VIPR1: variants seen among roughly 807,000 people sequenced by gnomAD.
The protein encoded by VIPR1 is vasoactive intestinal polypeptide receptor 1.
Under a neutral mutation model 58.8 loss-of-function variants are expected in VIPR1, and 59 were observed. The ratio of observed to expected loss-of-function variants is 1.00; its 90% CI spans 0.81 to 1.25. The LOEUF is 1.25. Ranked by LOEUF, VIPR1 falls within the 50% of genes most tolerant of loss-of-function variation. The pLI is 0.00. For synonymous variants in VIPR1, 251 were observed against 242.1 expected (o/e 1.04, Z -0.34); for missense variants, 626 against 602.7 (o/e 1.04, Z -0.40).
At chr3:42,507,142 C>G (rs1241022972) in intron 1 of VIPR1, 1 of 152,196 alleles carries the variant, frequency 6.6e-6, no homozygotes, top group Non-Finnish European at 1.5e-5. Context: ...TCATTACACA[C>G]CTAACAAAAT....
At chr3:42,500,539 G>C (rs1392290765), upstream of VIPR1, 2 of 152,232 alleles carry the variant, frequency 1.3e-5, no homozygotes, top group African/African-American at 4.8e-5. Flanking sequence ...GTGTTGAGGA[G>C]TGAGGGCTGA....
At chr3:42,515,924 T>A (rs1577221134) in intron 2 of VIPR1, among the ~76,000 whole-genome samples, 6 of 152,294 alleles carry the variant, frequency 3.9e-5, no homozygotes, top group Admixed American at 3.9e-4. Flanking sequence ...CACCCAGACA[T>A]GTCTGTCTCT....
chr3:42,512,712 C>T (rs1348852362), intron 1 of VIPR1: 16 of 984,018 alleles, frequency 1.6e-5, no homozygotes, highest in Non-Finnish European at 1.9e-5. Context: ...GCTGGACTCT[C>T]TTCTATGGCC....
intron 1 of VIPR1, among the ~76,000 whole-genome samples, chr3:42,510,402 T>C (rs2125640355): frequency 6.6e-6 from 1 of 152,300 alleles, no homozygotes; most frequent in South Asian, 2.1e-4. Flanking sequence ...CAACTCTCTC[T>C]GTGTTCCTGA....
In VIPR1 at chr3:42,531,631, CA is replaced by C. The variant is rs575144582; in HGVS notation, c.851+101del. ...CTGGCCTTGGTGAGTGGACAAAAAC[CA>C]CAGCTCTCGGGCCAGAGGGGAGGCT... On this transcript the variant is annotated intron_variant, in intron 8 of 12. Coordinates refer to ENST00000325123, the MANE Select transcript of VIPR1 (RefSeq NM_004624.4). 734 of 1,568,092 alleles carry C rather than the reference CA, an allele frequency of 4.7e-4. 3 individuals carry two copies. The African/African-American group carries it at 8.8e-3, about 19-fold the overall frequency.
At chr3:42,535,508 A>C (rs1701796417) in intron 12 of VIPR1, 124 bp downstream of exon 12, 2 of 1,050,858 alleles carry the variant, frequency 1.9e-6, no homozygotes, top group Non-Finnish European at 2.9e-6. Flanking sequence ...TATGGTCCTC[A>C]AACTAGTAGC....
At chr3:42,514,923 A>G (rs1289726060) in intron 2 of VIPR1, among the ~76,000 whole-genome samples, 1 of 152,188 alleles carries the variant, frequency 6.6e-6, no homozygotes, top group Non-Finnish European at 1.5e-5. Flanking sequence ...GCAGGTTTGG[A>G]GAAACAGAGA....
upstream of VIPR1, among the ~76,000 whole-genome samples, chr3:42,501,284 T>C (rs1265226050): frequency 6.6e-6 from 1 of 151,338 alleles, no homozygotes; most frequent in African/African-American, 2.4e-5. The surrounding 1 kb of genome is among the most constrained non-coding windows in gnomAD (Gnocchi z 4.8). Flanking sequence ...CAACGTTCCC[T>C]CTCTGTAGGG....
chr3:42,498,044 G>A (rs879157861), upstream of VIPR1, among the ~76,000 whole-genome samples: 1 of 152,142 alleles, frequency 6.6e-6, no homozygotes, highest in Non-Finnish European at 1.5e-5. Flanking sequence ...GAGCTCCAAG[G>A]GTAGGACCTA....
intron 1 of VIPR1, chr3:42,508,958 T>A (rs1700244098): frequency 6.6e-6 from 1 of 152,034 alleles, no homozygotes; most frequent in African/African-American, 2.4e-5. Context: ...AGTAAATAAG[T>A]CGTGAGATAT....
chr3:42,508,711 C>G (rs1700233437), intron 1 of VIPR1: 1 of 152,266 alleles, frequency 6.6e-6, no homozygotes, highest in Non-Finnish European at 1.5e-5. Flanking sequence ...CAACTTATGT[C>G]CTTTACCCAC....
intron 1 of VIPR1, chr3:42,512,981 AC>A: frequency 1.0e-6 from 1 of 976,886 alleles, no homozygotes; most frequent in Non-Finnish European, 1.2e-6. Flanking sequence ...GGTCTGGCCC[AC>A]CCCTGATCCC....
intron 1 of VIPR1, among the ~76,000 whole-genome samples, chr3:42,490,375 G>T (rs748681247): frequency 3.8e-4 from 58 of 152,336 alleles, no homozygotes; most frequent in Non-Finnish European, 7.1e-4. Flanking sequence ...CCCATCTCAG[G>T]CAAGAATAGG....
intron 3 of VIPR1, among the ~76,000 whole-genome samples, chr3:42,520,949 C>T (rs1287851441): frequency 6.6e-6 from 1 of 152,146 alleles, no homozygotes; most frequent in Non-Finnish European, 1.5e-5. Context: ...CCTCCAGGGA[C>T]ACCCAGTGCC....
intron 1 of VIPR1, among the ~76,000 whole-genome samples, chr3:42,506,016 C>T (rs142042389): frequency 6.6e-6 from 1 of 152,326 alleles, no homozygotes; most frequent in East Asian, 1.9e-4. Flanking sequence ...GCTATGTGAA[C>T]TGTGTGACTG....
chr3:42,525,858 C>G, intron 3 of VIPR1, 29 bp from the exon 4 acceptor site: 1 of 1,580,740 alleles, frequency 6.3e-7, no homozygotes, highest in South Asian at 1.2e-5. Flanking sequence ...CGGCCTCAGC[C>G]TTTGTCCTTG....
chr3:42,513,903 A>G (rs1188927886), intron 2 of VIPR1, 49 bp downstream of exon 2: 4 of 1,527,246 alleles, frequency 2.6e-6, no homozygotes, highest in Admixed American at 2.0e-5. Context: ...AGGGAGCCCA[A>G]GATTCCTCAT....
intron 2 of VIPR1, among the ~76,000 whole-genome samples, chr3:42,517,543 T>C (rs898668374): frequency 2.0e-5 from 3 of 152,214 alleles, no homozygotes; most frequent in Non-Finnish European, 4.4e-5. Flanking sequence ...ACTGTGCATC[T>C]TTCACTGGCC....
At chr3:42,512,790 C>T (rs1700421231) in intron 1 of VIPR1, 1 of 985,370 alleles carries the variant, frequency 1.0e-6, no homozygotes, top group South Asian at 4.7e-5. Context: ...CCGGGGCCAG[C>T]AACCACTTTT....
Sources: gnomAD v4.1 joint callset for allele counts (sites outside exome capture counted in the v4.1 genomes callset) on GRCh38, gnomAD v4.1.1 for gene constraint, Gnocchi (gnomAD v3.1) non-coding constraint, MANE v1.5 for transcripts, NCBI Gene and HGNC (gene_info 2026-07-23, HGNC 2026-07-21) for gene names.